Variants in OXNAD1 observed in about 807,000 individuals in gnomAD.
The protein encoded by OXNAD1 is oxidoreductase NAD-binding domain-containing protein 1.
OXNAD1 carries 34 observed loss-of-function variants against 32.9 expected under a neutral mutation model. The observed-to-expected ratio is 1.03, with a 90% CI of 0.79 to 1.38. The LOEUF is 1.38. Among genes scored for constraint, OXNAD1 ranks in the 40% most tolerant of loss-of-function variants. OXNAD1 has a pLI of 0.00. For synonymous variants in OXNAD1, 134 were observed against 135.2 expected, an observed-to-expected ratio of 0.99 and a Z score of 0.06; for missense variants, 407 against 379.4, an observed-to-expected ratio of 1.07 and a Z score of -0.60.
In OXNAD1 at chr3:16,277,178, C is replaced by G. The variant is rs760844757; in HGVS notation, c.183+5456C>G. On this transcript the variant is annotated intron_variant, in intron 4 of 8. Transcript: ENST00000285083. This position sits in a 1 kb window ranked among gnomAD's most constrained non-coding sequence, Gnocchi z 4.3. ...TCCTGACCTCATGATCTGCCCTCCT[C>G]GGCCTCCCAAAGTGCTGGGATTACA... 6.6e-6 allele frequency among the ~76,000 whole-genome samples: 1 copy of G among 152,080 alleles called. No homozygotes were observed. The highest frequency in any genetic ancestry group is 1.9e-4 in the East Asian group (1 of 5,188).
chr3:16,300,689 AT>A (rs1205900011), intron 6 of OXNAD1, among the ~76,000 whole-genome samples: 1 of 152,132 alleles, frequency 6.6e-6, no homozygotes, highest in African/African-American at 2.4e-5. Flanking sequence ...TCATTTGCTG[AT>A]TTCTGTGCTG....
intron 9 of OXNAD1, among the ~76,000 whole-genome samples, chr3:16,331,050 C>T (rs1247736394): frequency 2.6e-5 from 4 of 152,218 alleles, no homozygotes; most frequent in Non-Finnish European, 5.9e-5. Context: ...AATTTGATTT[C>T]CCTTGTCTGA....
intron 4 of OXNAD1, among the ~76,000 whole-genome samples, chr3:16,283,594 T>TG (rs1439674827): frequency 2.0e-5 from 3 of 152,150 alleles, no homozygotes; most frequent in African/African-American, 7.2e-5. Flanking sequence ...CTGTTACTTA[T>TG]GGGGAGTGTT....
In OXNAD1 at chr3:16,301,969, CA is replaced by C; in HGVS notation, c.675+105del. 2 of 1,442,156 alleles carry C rather than the reference CA, an allele frequency of 1.4e-6. No individual in the cohort carries two copies. Among genetic ancestry groups the C allele is most frequent in the Non-Finnish European group, 1.9e-6 (2 of 1,071,890 alleles). 89.3% of individuals were successfully genotyped at this position (1,442,156 alleles called of 1,614,324 possible). On this transcript the variant is annotated intron_variant, in intron 7 of 8. Transcript: ENST00000285083. This position sits in a 1 kb window ranked among gnomAD's most constrained non-coding sequence, Gnocchi z 4.1. ...TTTGTTTTCTCTGCAAAGGTTCAAA[CA>C]AAAGGCTTGGCAAGATTTAATCATG... is the stretch of plus-strand genomic sequence containing the variant.
chr3:16,273,384 G>GTTT (rs34572763), intron 4 of OXNAD1, among the ~76,000 whole-genome samples: 3,008 of 120,972 alleles, frequency 0.025, 197 homozygotes, highest in East Asian at 0.11. Context: ...GTATTTTCTT[G>GTTT]TTTTTTTTTT....
downstream of OXNAD1, among the ~76,000 whole-genome samples, chr3:16,342,156 C>T (rs918650121): frequency 1.3e-5 from 2 of 152,156 alleles, no homozygotes; most frequent in African/African-American, 2.4e-5. The surrounding 1 kb of genome is among the most constrained non-coding windows in gnomAD (Gnocchi z 4.0). Context: ...CCACTTTCAT[C>T]ACCCCCCACA....
At chr3:16,343,972 G>A (rs192383847) in intron 9 of OXNAD1, among the ~76,000 whole-genome samples, 39 of 150,290 alleles carry the variant, frequency 2.6e-4, no homozygotes, top group African/African-American at 9.3e-4. Flanking sequence ...GTGAAGATCT[G>A]AGGTGGAGCA....
chr3:16,319,015 G>A (rs1306185506), intron 9 of OXNAD1, among the ~76,000 whole-genome samples: 3 of 152,196 alleles, frequency 2.0e-5, no homozygotes, highest in Non-Finnish European at 4.4e-5. Flanking sequence ...CAGCATGACC[G>A]TGGCTGCCTC....
intron 9 of OXNAD1, among the ~76,000 whole-genome samples, chr3:16,332,455 A>G (rs1462180962): frequency 6.7e-6 from 1 of 148,910 alleles, no homozygotes; most frequent in Non-Finnish European, 1.5e-5. Context: ...TGCTTCATGG[A>G]TACATTTATT....
In OXNAD1 at chr3:16,302,946, TAA is replaced by T. The variant is rs2067294472; in HGVS notation, c.784+201_784+202del. On this transcript the variant is annotated intron_variant, in intron 8 of 8. Coordinates refer to ENST00000285083, the MANE Select transcript of OXNAD1 (RefSeq NM_138381.5). This position sits in a 1 kb window ranked among gnomAD's most constrained non-coding sequence, Gnocchi z 4.2. ...TATACAGGTTTCCTATTGCCTGTGT[TAA>T]AAGTGTACTTTTCACACTTTTTAAG... Among the ~76,000 whole-genome samples the T allele has an allele frequency of 6.6e-6, 1 of 152,226 alleles. No homozygotes were observed. The highest frequency in any genetic ancestry group is 2.4e-5 in the African/African-American group (1 of 41,452).
At chr3:16,325,598 C>A (rs1404667869) in intron 9 of OXNAD1, among the ~76,000 whole-genome samples, 4 of 152,174 alleles carry the variant, frequency 2.6e-5, no homozygotes, top group Non-Finnish European at 5.9e-5. Flanking sequence ...GGCCCCAAAT[C>A]CAGGGTTCTT....
At position 16,317,010 on chromosome 3, in the gene OXNAD1, G is replaced by A. The variant is rs752507248; in HGVS notation, c.*30+13418G>A. 48 of 1,613,682 alleles carry A rather than the reference G, an allele frequency of 3.0e-5. No individual in the cohort carries two copies. Among genetic ancestry groups the A allele is most frequent in the Non-Finnish European group, 3.8e-5 (45 of 1,179,928 alleles). On this transcript the variant is annotated intron_variant, in intron 9 of 9. Transcript: ENST00000435829. The surrounding 1 kb of genome is among the most constrained non-coding windows in gnomAD (Gnocchi z 4.3). Reference sequence around the variant, plus strand: ...CACAGCAGGCCACCAGGGGACAGCTGTTCTCCCTTGTCCTCTTGGACAGGG... The same window carrying A: ...CACAGCAGGCCACCAGGGGACAGCTATTCTCCCTTGTCCTCTTGGACAGGG...
At chr3:16,319,512 A>G (rs760937564) in intron 9 of OXNAD1, among the ~76,000 whole-genome samples, 1 of 152,338 alleles carries the variant, frequency 6.6e-6, no homozygotes, top group East Asian at 1.9e-4. Context: ...TGATGTGAAT[A>G]GCGCCCTCTG....
chr3:16,283,521 C>T (rs73818361), intron 4 of OXNAD1, among the ~76,000 whole-genome samples: 44 of 152,322 alleles, frequency 2.9e-4, no homozygotes, highest in African/African-American at 1.0e-3. Context: ...AATGAATGCA[C>T]ATAAAATATT....
At position 16,280,290 on chromosome 3, in the gene OXNAD1, A is replaced by C. The variant is rs1047697079; in HGVS notation, c.184-6052A>C. Among the ~76,000 whole-genome samples the C allele has an allele frequency of 6.6e-6, 1 of 152,030 alleles. No individual in the cohort carries two copies. Among genetic ancestry groups the C allele is most frequent in the African/African-American group, 2.4e-5 (1 of 41,378 alleles). ...GAAGGCTTGAGAAGACGGAGAGGAG[A>C]CCAGCCCAGGTGGACAGGTTAGCCT... On this transcript the variant is annotated intron_variant, in intron 4 of 8. Transcript: ENST00000285083. This position sits in a 1 kb window ranked among gnomAD's most constrained non-coding sequence, Gnocchi z 4.5.
In OXNAD1 at chr3:16,322,813, T is replaced by A. The variant is rs1574950649; in HGVS notation, c.*31-14299T>A. The stretch of plus-strand genomic sequence containing the variant: ...GAGAGGGGGAAAAGGGCCCTGGGGA[T>A]CTCTTGAGGACAGCCTGGCCTGAGG... On this transcript the variant is annotated intron_variant, in intron 9 of 9. Coordinates refer to the OXNAD1 transcript ENST00000435829. The surrounding 1 kb of genome is among the most constrained non-coding windows in gnomAD (Gnocchi z 6.2). Among the ~76,000 whole-genome samples the A allele has an allele frequency of 6.6e-6, 1 of 152,162 alleles. No individual in the cohort carries two copies. The highest frequency in any genetic ancestry group is 1.9e-4 in the East Asian group (1 of 5,172).
At chr3:16,343,705 TTCAA>T (rs1319071389) in intron 9 of OXNAD1, among the ~76,000 whole-genome samples, 13 of 152,364 alleles carry the variant, frequency 8.5e-5, no homozygotes, top group Admixed American at 8.5e-4. Flanking sequence ...CAATTATTTA[TTCAA>T]TCAATGTTTG....
chr3:16,266,650 G>A (rs571290784), intron 1 of OXNAD1, among the ~76,000 whole-genome samples: 1 of 149,092 alleles, frequency 6.7e-6, no homozygotes, highest in South Asian at 2.2e-4. Flanking sequence ...ATTGTATAAT[G>A]CAAACTATAT....
Position 16,271,809 on chromosome 3 carries a change from G to A in OXNAD1, c.183+87G>A. On this transcript the variant is annotated intron_variant, in intron 4 of 8. Coordinates refer to ENST00000285083, the MANE Select transcript of OXNAD1 (RefSeq NM_138381.5). This position sits in a 1 kb window ranked among gnomAD's most constrained non-coding sequence, Gnocchi z 4.6. ...GGCTTATGGGTAAAGCATTAGATGA[G>A]TCTGGTCCTTTTGAAGGAGAGTTGG... 2.6e-6 allele frequency: 3 copies of A among 1,156,854 alleles called. No individual in the cohort carries two copies. Among genetic ancestry groups the A allele is most frequent in the African/African-American group, 1.6e-5 (1 of 63,510 alleles). 71.7% of individuals were successfully genotyped at this position (1,156,854 alleles called of 1,614,324 possible).
Sources: gnomAD v4.1 joint callset for allele counts (sites outside exome capture counted in the v4.1 genomes callset) on GRCh38, gnomAD v4.1.1 for gene constraint, Gnocchi (gnomAD v3.1) non-coding constraint, MANE v1.5 for transcripts, NCBI Gene and HGNC (gene_info 2026-07-23, HGNC 2026-07-21) for gene names.